TENM1: variants seen among roughly 807,000 people sequenced by gnomAD.
The protein encoded by TENM1 is teneurin-1.
A neutral mutation model predicts 174.8 loss-of-function variants in TENM1; 35 were observed. The observed-to-expected ratio is 0.20, with a 90% confidence interval of 0.15 to 0.27. The LOEUF (loss-of-function observed/expected upper bound fraction) is 0.27. TENM1 is among the 10% of genes least tolerant of loss of function. The pLI is 1.00. For missense variants in TENM1, 1,633 were observed against 2,130.1 expected, an observed-to-expected ratio of 0.77 and a Z score of 4.59; for synonymous variants, 781 against 798.7, an observed-to-expected ratio of 0.98 and a Z score of 0.37.
At chrX:124,750,525 A>C (rs1442952016) in intron 3 of TENM1, among the ~76,000 whole-genome samples, 1 of 111,727 alleles carries the variant, frequency 9.0e-6, no homozygotes, top group East Asian at 2.8e-4. Flanking sequence ...CTTATTTTAC[A>C]TTCTTGTTCA....
At chrX:124,672,107 A>C (rs2051938787) in intron 5 of TENM1, among the ~76,000 whole-genome samples, 1 of 111,463 alleles carries the variant, frequency 9.0e-6, no homozygotes, top group Non-Finnish European at 1.9e-5. Context: ...ACTATAGTAC[A>C]ATTAGACTTA....
the TENM1 span, among the ~76,000 whole-genome samples, chrX:125,116,987 G>A: frequency 3.0e-5 from 3 of 100,708 alleles, no homozygotes; most frequent in East Asian, 9.3e-4. Context: ...CTCCAGCCTA[G>A]GTGACAGTGC....
intron 5 of TENM1, among the ~76,000 whole-genome samples, chrX:124,685,857 C>T (rs1173544478): frequency 1.8e-5 from 2 of 111,588 alleles, no homozygotes. Flanking sequence ...CCGTGCCTGG[C>T]CTCAAGCAAA....
At chrX:125,000,497 C>T in the TENM1 span, among the ~76,000 whole-genome samples, 1 of 111,458 alleles carries the variant, frequency 9.0e-6, no homozygotes, top group African/African-American at 3.2e-5. Context: ...TTAGGAGGCT[C>T]ATGTTTCTAA....
chrX:124,432,391 G>GTTTATTTA (rs200030917), intron 23 of TENM1, among the ~76,000 whole-genome samples: 19 of 108,338 alleles, frequency 1.8e-4, no homozygotes, highest in Admixed American at 4.0e-4. Flanking sequence ...TACACTCCCA[G>GTTTATTTA]TTTATTTATT....
chrX:124,597,545 A>G, intron 11 of TENM1, among the ~76,000 whole-genome samples: 1 of 110,851 alleles, frequency 9.0e-6, no homozygotes, highest in Non-Finnish European at 1.9e-5. Context: ...GGGATAGAGG[A>G]TGGAAGATGG....
the TENM1 span, among the ~76,000 whole-genome samples, chrX:125,164,614 C>T: frequency 8.9e-6 from 1 of 112,135 alleles, no homozygotes; most frequent in East Asian, 2.8e-4. Context: ...TAGCAAAGAA[C>T]CTAGCACATA....
intron 23 of TENM1, among the ~76,000 whole-genome samples, chrX:124,448,763 C>T (rs1021568231): frequency 9.0e-6 from 1 of 111,655 alleles, no homozygotes; most frequent in Non-Finnish European, 1.9e-5. Flanking sequence ...CACAGTTTGC[C>T]AACAAAGATC....
intron 3 of TENM1, among the ~76,000 whole-genome samples, chrX:124,789,823 C>T (rs1428917458): frequency 8.9e-6 from 1 of 111,752 alleles, no homozygotes; most frequent in Non-Finnish European, 1.9e-5. Flanking sequence ...CAAACTGTTC[C>T]AACCTCTGCC....
the TENM1 span, among the ~76,000 whole-genome samples, chrX:124,974,901 T>TATATATATAATATATATATATAA: frequency 0.025 from 2,478 of 97,552 alleles, 171 homozygotes; most frequent in African/African-American, 0.089. Flanking sequence ...TATATATATA[T>TATATATATAATATATATATATAA]AAAATAATTT....
chrX:125,006,136 A>G, the TENM1 span, among the ~76,000 whole-genome samples: 130 of 112,181 alleles, frequency 1.2e-3, no homozygotes, highest in African/African-American at 3.8e-3. Context: ...TCTCACTGCC[A>G]GCAGAGCAGT....
At chrX:124,855,412 G>C (rs1006679644) in intron 3 of TENM1, among the ~76,000 whole-genome samples, 5 of 111,524 alleles carry the variant, frequency 4.5e-5, no homozygotes, top group African/African-American at 1.6e-4. Flanking sequence ...ACTACTTTGT[G>C]TGAAATTCTC....
At chrX:124,587,824 A>T (rs1293681749) in intron 11 of TENM1, among the ~76,000 whole-genome samples, 1 of 111,766 alleles carries the variant, frequency 8.9e-6, no homozygotes, top group Non-Finnish European at 1.9e-5. Context: ...ATCTACAAAG[A>T]ACTCAAACAA....
the TENM1 span, among the ~76,000 whole-genome samples, chrX:125,049,118 C>T: frequency 9.0e-6 from 1 of 111,469 alleles, no homozygotes; most frequent in African/African-American, 3.3e-5. Flanking sequence ...ATAAAATTCA[C>T]CCTTTTAAAG....
the TENM1 span, among the ~76,000 whole-genome samples, chrX:125,116,277 A>G: frequency 1.8e-5 from 2 of 112,461 alleles, no homozygotes; most frequent in Non-Finnish European, 3.8e-5. Flanking sequence ...CTAAACCCAT[A>G]AAAACCCTAG....
chrX:125,191,569 A>G, the TENM1 span, among the ~76,000 whole-genome samples: 1 of 112,252 alleles, frequency 8.9e-6, no homozygotes, highest in Non-Finnish European at 1.9e-5. Context: ...TGAATGAAGT[A>G]AGAAAGTAAA....
upstream of TENM1, among the ~76,000 whole-genome samples, chrX:124,966,412 C>T (rs1355671171): frequency 1.8e-5 from 2 of 111,630 alleles, no homozygotes; most frequent in Non-Finnish European, 3.8e-5. Context: ...CCTGTAATCC[C>T]AGCACTTTGG....
At chrX:124,754,800 G>C (rs1375082537) in intron 3 of TENM1, among the ~76,000 whole-genome samples, 2 of 105,670 alleles carry the variant, frequency 1.9e-5, no homozygotes, top group African/African-American at 3.7e-5. Context: ...GAGCGGTTTT[G>C]AGTGAGTTTC....
At chrX:124,418,546 T>C (rs1189448502) in intron 25 of TENM1, among the ~76,000 whole-genome samples, 1 of 112,057 alleles carries the variant, frequency 8.9e-6, no homozygotes, top group Non-Finnish European at 1.9e-5. Context: ...TTTGAAATTG[T>C]ATACATCTTC....
Sources: allele counts gnomAD v4.1 joint callset (sites outside exome capture counted in the v4.1 genomes callset), GRCh38; gene constraint gnomAD v4.1.1; transcripts MANE v1.5; gene names NCBI Gene and HGNC (gene_info 2026-07-23, HGNC 2026-07-21).